CALU: variants seen among roughly 807,000 people sequenced by gnomAD.
CALU encodes IEF SSP 9302.
Under a neutral mutation model 37.5 loss-of-function variants are expected in CALU, and 13 were observed. That is an observed-to-expected ratio of 0.35 (90% CI 0.23 to 0.55). The LOEUF (loss-of-function observed/expected upper bound fraction) is 0.55, where lower values mean the gene tolerates loss of function less well. CALU is among the 20% of genes least tolerant of loss of function. The pLI is 0.89. For missense variants in CALU, 282 were observed against 391.7 expected (o/e 0.72, Z 2.36); for synonymous variants, 114 against 133.8 (o/e 0.85, Z 1.02).
chr7:128,748,685 C>T lies in CALU; in HGVS notation c.102C>T (p.Leu34=), dbSNP rs776040372. 1.9e-6 allele frequency: 3 copies of T among 1,614,150 alleles called. No homozygotes were observed. In the Middle Eastern group the frequency reaches 4.9e-4, roughly 266 times the overall value. Residue 34 remains leucine (L), a synonymous_variant, in exon 2 of 7, where the codon CTC becomes CTT. Coordinates refer to ENST00000249364, the MANE Select transcript of CALU (RefSeq NM_001219.5). ...ACCGTGTACATCATGAGCCTCAGCT[C>T]AGTGACAAGGTTCACAATGATGCTC... ...KKDRVHHEPQ[L]SDKVHNDAQS...
intron 4 of CALU, among the ~76,000 whole-genome samples, chr7:128,759,290 AT>A (rs1336982202): frequency 1.3e-5 from 2 of 152,150 alleles, no homozygotes; most frequent in Non-Finnish European, 2.9e-5. Context: ...GTATTTTGCC[AT>A]TTCATTGGTA....
Position 128,758,994 on chromosome 7 carries a change from T to A in CALU, c.539T>A (p.Leu180Gln). The A allele has an allele frequency of 6.2e-7, 1 of 1,614,086 alleles. No homozygotes were observed. The highest frequency in any genetic ancestry group is 1.1e-5 in the South Asian group (1 of 91,088). Residue 180 changes from leucine to glutamine, a missense_variant, in exon 4 of 7, where the codon CTG becomes CAG. By Grantham distance (113) the Leu-to-Gln change is moderately radical. Coordinates refer to ENST00000249364, the MANE Select transcript of CALU (RefSeq NM_001219.5). Reference protein sequence around the residue: ...IATKEEFTAFLHPEEYDYMKD... With the variant: ...IATKEEFTAFQHPEEYDYMKD... ...ACCAAGGAGGAGTTCACAGCTTTCC[T>A]GCACCCTGAGGAGTATGACTACATG... is the stretch of plus-strand genomic sequence containing the variant.
In CALU at chr7:128,767,726, T is replaced by C. The variant is rs55644200; in HGVS notation, c.843+71T>C. Reference sequence around the variant, plus strand: ...CTTCTAGGGGATCACCTGAACAGTTTCTGTTAAGGTGCATAGAGCATTTAA... The same window carrying C: ...CTTCTAGGGGATCACCTGAACAGTTCCTGTTAAGGTGCATAGAGCATTTAA... On this transcript the variant is annotated intron_variant, in intron 6 of 6. Transcript: ENST00000249364. The C allele has an allele frequency of 4.2e-3, 5,232 of 1,252,096 alleles. 25 individuals are homozygous for C. The highest frequency in any genetic ancestry group is 5.1e-3 in the Non-Finnish European group (4,372 of 864,532). The allele number at this position is 1,252,096 out of a possible 1,614,324, so 77.6% of individuals were successfully genotyped here.
intron 3 of CALU, among the ~76,000 whole-genome samples, chr7:128,756,513 T>G (rs1800888979): frequency 6.6e-6 from 1 of 152,208 alleles, no homozygotes; most frequent in Non-Finnish European, 1.5e-5. Flanking sequence ...TTTGTTACTG[T>G]GTGTTCTTGA....
intron 1 of CALU, among the ~76,000 whole-genome samples, chr7:128,742,975 A>C (rs370572434): frequency 1.3e-5 from 2 of 152,230 alleles, no homozygotes; most frequent in African/African-American, 2.4e-5. Flanking sequence ...TTAAATTTTC[A>C]GGTGAAAATC....
chr7:128,759,952 C>CTT (rs1477791262), intron 5 of CALU, 100 bp downstream of exon 5: 1 of 721,424 alleles, frequency 1.4e-6, no homozygotes, highest in Non-Finnish European at 2.4e-6. Flanking sequence ...AATCCCAACA[C>CTT]TGGGAGGCCG....
chr7:128,761,926 T>C (rs1436175665), intron 5 of CALU, among the ~76,000 whole-genome samples: 2 of 152,238 alleles, frequency 1.3e-5, no homozygotes, highest in African/African-American at 2.4e-5. Context: ...GCTAGAGTTA[T>C]TCCAATTGAA....
intron 3 of CALU, among the ~76,000 whole-genome samples, chr7:128,757,254 T>G (rs2128880750): frequency 6.6e-6 from 1 of 152,304 alleles, no homozygotes; most frequent in Non-Finnish European, 1.5e-5. Flanking sequence ...TTATGTTTCT[T>G]ATTTATGTTA....
Position 128,759,835 on chromosome 7 carries a change from A to G in CALU, c.626A>G (p.Asp209Gly). The change falls in exon 5 of 7, where the codon GAT becomes GGT. Residue 209 changes from aspartate (D) to glycine (G), a missense_variant. By Grantham distance (94) the Asp-to-Gly change is moderately conservative. Transcript: ENST00000249364. ...DIDKNADGFI[D>G]LEEYIGDMYS... The stretch of plus-strand genomic sequence containing the variant: ...GATAAGAATGCTGATGGTTTCATTG[A>G]TCTAGAAGAGTATATTGGTAAGTCT... 7.2e-7 allele frequency: 1 copy of G among 1,392,696 alleles called. No individual in the cohort carries two copies. Among genetic ancestry groups the G allele is most frequent in the Non-Finnish European group, 1.0e-6 (1 of 978,656 alleles). 86.3% of individuals were successfully genotyped at this position (1,392,696 alleles called of 1,614,324 possible). A position where few individuals can be genotyped will look rare whatever the true frequency, so the allele number is the denominator to read the frequency against.
chr7:128,754,218 G>A, intron 2 of CALU, 44 bp from the exon 3 acceptor site: 1 of 1,480,120 alleles, frequency 6.8e-7, no homozygotes, highest in African/African-American at 1.4e-5. Flanking sequence ...CCAGAGTTCT[G>A]TGTCTTTTTA....
Position 128,772,802 on chromosome 7 carries a change from T to A in CALU, c.*3635T>A. On this transcript the variant is annotated 3_prime_UTR_variant, in exon 7 of 7. Transcript: ENST00000249364. The stretch of plus-strand genomic sequence containing the variant: ...GGTGGTTTTGAATCTATCTTCCCCA[T>A]CCTGAAAACTATCTAGATTCCAGTC... 9.2e-7 allele frequency: 1 copy of A among 1,089,962 alleles called. No homozygotes were observed. The highest frequency in any genetic ancestry group is 1.4e-6 in the Non-Finnish European group (1 of 730,754). The allele number at this position is 1,089,962 out of a possible 1,614,324, so 67.5% of individuals were successfully genotyped here. A position where few individuals can be genotyped will look rare whatever the true frequency, so the allele number is the denominator to read the frequency against.
chr7:128,761,769 G>A (rs1479307487), intron 5 of CALU, among the ~76,000 whole-genome samples: 1 of 152,170 alleles, frequency 6.6e-6, no homozygotes, highest in African/African-American at 2.4e-5. Flanking sequence ...AAGCCCGTTT[G>A]TTTTTAGACC....
At chr7:128,740,749 C>G (rs1800208262) in intron 1 of CALU, among the ~76,000 whole-genome samples, 1 of 152,056 alleles carries the variant, frequency 6.6e-6, no homozygotes, top group African/African-American at 2.4e-5. Flanking sequence ...GTGAATAGTA[C>G]TCAATATAGC....
intron 1 of CALU, among the ~76,000 whole-genome samples, chr7:128,746,634 A>G (rs1486113693): frequency 6.6e-6 from 1 of 151,884 alleles, no homozygotes; most frequent in Non-Finnish European, 1.5e-5. Flanking sequence ...TTGTATTTTT[A>G]GTAGAGACAG....
rs577620473 is a variant in CALU at position 128,765,761 on chromosome 7, A to T, written c.644-1695A>T. On this transcript the variant is annotated intron_variant, in intron 5 of 6. Transcript: ENST00000249364. The stretch of plus-strand genomic sequence containing the variant: ...TATTCAAATAGTTTCATATCCATGG[A>T]TGACAATTACTTATCCCTAGAGTGA... Among the ~76,000 whole-genome samples the T allele has an allele frequency of 3.9e-5, 6 of 152,330 alleles. No homozygotes were observed. In the East Asian group the frequency reaches 9.6e-4, roughly 24 times the overall value.
intron 5 of CALU, among the ~76,000 whole-genome samples, chr7:128,763,877 TCA>T (rs1265355396): frequency 2.0e-5 from 3 of 152,186 alleles, no homozygotes; most frequent in Non-Finnish European, 4.4e-5. Flanking sequence ...ACCCTCAAGG[TCA>T]GGAAAATGGC....
chr7:128,768,914 A>AG (rs1801447801), intron 6 of CALU, 149 bp from the exon 7 acceptor site: 4 of 421,846 alleles, frequency 9.5e-6, no homozygotes, highest in Admixed American at 3.7e-5. Context: ...GTATGTATGT[A>AG]GGGGGAATGA....
chr7:128,764,248 C>T (rs767415056), intron 5 of CALU, among the ~76,000 whole-genome samples: 54 of 151,562 alleles, frequency 3.6e-4, no homozygotes, highest in South Asian at 4.2e-4. Flanking sequence ...GACAACATGG[C>T]GCAACCCTGT....
chr7:128,766,091 G>A (rs893127767), intron 5 of CALU, among the ~76,000 whole-genome samples: 1 of 152,022 alleles, frequency 6.6e-6, no homozygotes, highest in African/African-American at 2.4e-5. Context: ...CCAGTAGCTG[G>A]AGATTACAGG....
Sources: gnomAD v4.1 joint callset for allele counts (sites outside exome capture counted in the v4.1 genomes callset) on GRCh38, gnomAD v4.1.1 for gene constraint, MANE v1.5 for transcripts, NCBI Gene and HGNC (gene_info 2026-07-23, HGNC 2026-07-21) for gene names.